EIF2AK4: variants seen among roughly 807,000 people sequenced by gnomAD.
EIF2AK4 encodes eukaryotic translation initiation factor 2 alpha kinase 4.
EIF2AK4 carries 139 observed loss-of-function variants against 211.1 expected under a neutral mutation model. That is an observed-to-expected ratio of 0.66 (90% CI 0.57 to 0.76). The LOEUF (loss-of-function observed/expected upper bound fraction) is 0.76. Among genes scored for constraint, EIF2AK4 ranks in the 30% least tolerant of loss-of-function variants. The probability of loss-of-function intolerance (pLI) is 0.00; values close to 1 mark genes in which losing one functional copy is unlikely to be tolerated. For synonymous variants in EIF2AK4, 710 were observed against 751.3 expected (o/e 0.94, Z 0.90); for missense variants, 1,664 against 2,043.8 (o/e 0.81, Z 3.58).
chr15:40,016,790 T>G, intron 28 of EIF2AK4, 118 bp downstream of exon 28: 1 of 1,326,070 alleles, frequency 7.5e-7, no homozygotes, highest in Non-Finnish European at 1.0e-6. Context: ...GAAAAACTGC[T>G]TTCTGTGTTT....
intron 31 of EIF2AK4, 108 bp downstream of exon 31, chr15:40,021,135 G>A (rs772536389): frequency 7.1e-5 from 91 of 1,285,080 alleles, no homozygotes; most frequent in Non-Finnish European, 8.8e-5. Flanking sequence ...TCTGTAATTC[G>A]AGTTGCCTCC....
intron 20 of EIF2AK4, among the ~76,000 whole-genome samples, chr15:39,999,423 T>A (rs1244236651): frequency 6.6e-6 from 1 of 152,158 alleles, no homozygotes; most frequent in Non-Finnish European, 1.5e-5. Context: ...ACTCTTGTCA[T>A]ATGGAAGTTT....
At chr15:39,947,980 A>G (rs1398282010) in intron 3 of EIF2AK4, among the ~76,000 whole-genome samples, 1 of 152,220 alleles carries the variant, frequency 6.6e-6, no homozygotes, top group Non-Finnish European at 1.5e-5. Context: ...CATGATAGAA[A>G]TTGCCTACTT....
Position 39,972,897 on chromosome 15 carries a change from C to G in EIF2AK4, c.1554-11C>G, listed in dbSNP as rs756218334. The G allele has an allele frequency of 2.5e-6, 4 of 1,609,700 alleles. No individual in the cohort carries two copies. The highest frequency in any genetic ancestry group is 3.4e-6 in the Non-Finnish European group (4 of 1,176,264). The stretch of plus-strand genomic sequence containing the variant: ...TTGTGATGCTAAGATTCTTCCTTCC[C>G]TCTCACCGAGATGTGTGTGCTTGGA... On this transcript the variant is annotated splice_polypyrimidine_tract_variant and intron_variant, in intron 9 of 38. Transcript: ENST00000263791.
chr15:40,001,887 G>A (rs1328006802), intron 21 of EIF2AK4, among the ~76,000 whole-genome samples: 1 of 152,148 alleles, frequency 6.6e-6, no homozygotes, highest in East Asian at 1.9e-4. Flanking sequence ...AGTTTCTGAA[G>A]TGTAGCCAGG....
chr15:39,965,770 T>G lies in EIF2AK4; in HGVS notation c.944T>G (p.Leu315Arg). The G allele has an allele frequency of 6.2e-7, 1 of 1,614,126 alleles. No homozygotes were observed. The highest frequency in any genetic ancestry group is 8.5e-7 in the Non-Finnish European group (1 of 1,179,990). ...GGFVLLYEWVLQWQKKMGPFL... is the reference protein window; with the variant it reads ...GGFVLLYEWVRQWQKKMGPFL... ...TTTGTCTTGTTGTATGAGTGGGTCC[T>G]TCAGTGGCAGAAAAAAATGGGTCCA... is the stretch of plus-strand genomic sequence containing the variant. The change falls in exon 8 of 39, where the codon CTT (leucine) becomes CGT (arginine). Residue 315 changes from leucine to arginine, a missense_variant. Physicochemically the swap from Leu to Arg is moderately radical, Grantham distance 102 (BLOSUM62 -2). This residue lies in a region of EIF2AK4 where 641 missense variants were observed against 729.6 expected (regional missense o/e 0.88). Transcript: ENST00000263791.
chr15:40,032,914 T>C, intron 37 of EIF2AK4, 113 bp downstream of exon 37: 1 of 820,768 alleles, frequency 1.2e-6, no homozygotes, highest in East Asian at 3.0e-5. Context: ...TTCTGGCAGC[T>C]GCAGGAATTT....
At chr15:39,945,888 T>TA (rs1477546945) in intron 3 of EIF2AK4, among the ~76,000 whole-genome samples, 14 of 152,198 alleles carry the variant, frequency 9.2e-5, no homozygotes, top group Admixed American at 9.2e-4. Flanking sequence ...AAATCCTGTA[T>TA]GATGGCACAT....
At chr15:40,024,451 C>G (rs2035438108) in intron 32 of EIF2AK4, among the ~76,000 whole-genome samples, 1 of 140,092 alleles carries the variant, frequency 7.1e-6, no homozygotes, top group Admixed American at 7.6e-5. Flanking sequence ...CTCTGTCACG[C>G]AGGCTGGAGT....
chr15:39,957,613 T>C (rs1176106459), intron 6 of EIF2AK4, among the ~76,000 whole-genome samples: 1 of 151,638 alleles, frequency 6.6e-6, no homozygotes, highest in Non-Finnish European at 1.5e-5. Flanking sequence ...CTGAAATTGT[T>C]ATTCACTTGT....
chr15:39,976,740 C>A lies in EIF2AK4; in HGVS notation c.2145C>A (p.Gly715=), dbSNP rs980602234. 7 of 1,600,870 alleles carry A rather than the reference C, an allele frequency of 4.4e-6. No homozygotes were observed. In the African/African-American group the frequency reaches 9.5e-5, roughly 22 times the overall value. Residue 715 remains glycine (G), a synonymous_variant, in exon 12 of 39, where the codon GGC becomes GGA. Transcript: ENST00000263791. ...LSSSVEWSTS[G]ERSASARFPA... The stretch of plus-strand genomic sequence containing the variant: ...GCTCGGTGGAGTGGAGCACTTCGGG[C>A]GAGCGCTCGGCCAGTGCCCGTTTCC...
chr15:40,032,730 T>C (rs1372167428), intron 36 of EIF2AK4, 27 bp from the exon 37 acceptor site: 1 of 1,608,898 alleles, frequency 6.2e-7, no homozygotes, highest in Middle Eastern at 1.7e-4. Context: ...CTGCTGAGAG[T>C]TGATGTACAT....
rs141056604 is a variant in EIF2AK4 at position 39,981,509 on chromosome 15, G to C, written c.2319+3362G>C. 3.9e-3 allele frequency among the ~76,000 whole-genome samples: 590 copies of C among 152,208 alleles called. 6 individuals carry two copies. Among genetic ancestry groups the C allele is most frequent in the African/African-American group, 0.014 (564 of 41,532 alleles). Reference sequence around the variant, plus strand: ...GGCAGCATCCATGGGCATCCTAATTGATGGGTAGAAACCTCCAAGAGATTA... The same window carrying C: ...GGCAGCATCCATGGGCATCCTAATTCATGGGTAGAAACCTCCAAGAGATTA... On this transcript the variant is annotated intron_variant, in intron 13 of 38. Transcript: ENST00000263791.
chr15:40,030,350 T>C lies in EIF2AK4; in HGVS notation c.4562-9T>C, dbSNP rs767017091. ...AAGGCCATAAATTCTGAAACTCTCT[T>C]GGTCTCAGGTTTGTTTGAAATCCAT... On this transcript the variant is annotated splice_polypyrimidine_tract_variant and intron_variant, in intron 34 of 38. Coordinates refer to ENST00000263791, the MANE Select transcript of EIF2AK4 (RefSeq NM_001013703.4). 3.1e-6 allele frequency: 5 copies of C among 1,613,312 alleles called. No homozygotes were observed. Among genetic ancestry groups the C allele is most frequent in the African/African-American group, 2.7e-5 (2 of 74,988 alleles).
At chr15:39,941,936 T>C (rs925336144) in intron 2 of EIF2AK4, among the ~76,000 whole-genome samples, 1 of 152,162 alleles carries the variant, frequency 6.6e-6, no homozygotes, top group Non-Finnish European at 1.5e-5. Flanking sequence ...TATGGGATGA[T>C]TGCTTTTAAC....
At chr15:39,971,640 C>G (rs561075361) in intron 9 of EIF2AK4, among the ~76,000 whole-genome samples, 65 of 151,938 alleles carry the variant, frequency 4.3e-4, no homozygotes, top group African/African-American at 1.5e-3. Flanking sequence ...TGCTTTGAGT[C>G]TAGGAGTTCG....
chr15:39,952,893 A>T (rs1271102005), intron 4 of EIF2AK4, among the ~76,000 whole-genome samples: 1 of 151,960 alleles, frequency 6.6e-6, no homozygotes, highest in Non-Finnish European at 1.5e-5. Flanking sequence ...TGTTGCCCAG[A>T]CTGGAGTACA....
In EIF2AK4 at chr15:39,976,985, C is replaced by CT. The variant is rs1182747638; in HGVS notation, c.2249+142dup. On this transcript the variant is annotated intron_variant, in intron 12 of 38. Coordinates refer to ENST00000263791, the MANE Select transcript of EIF2AK4 (RefSeq NM_001013703.4). The stretch of plus-strand genomic sequence containing the variant: ...TCCTTTTTTGAGATAGGGTCTTGCT[C>CT]TGTCACCCAGGCTGGAGGTCAGTGG... 2.7e-6 allele frequency: 3 copies of CT among 1,126,178 alleles called. No individual in the cohort carries two copies. In the African/African-American group the frequency reaches 5.0e-5, roughly 19 times the overall value. 69.8% of individuals were successfully genotyped at this position (1,126,178 alleles called of 1,614,324 possible).
intron 15 of EIF2AK4, among the ~76,000 whole-genome samples, chr15:39,989,740 A>G (rs867907929): frequency 2.6e-5 from 4 of 152,244 alleles, no homozygotes; most frequent in African/African-American, 9.6e-5. Context: ...CATTAGGAAA[A>G]TGAGAAAGCA....
Sources: allele counts gnomAD v4.1 joint callset (sites outside exome capture counted in the v4.1 genomes callset), GRCh38; gene constraint gnomAD v4.1.1; regional missense constraint gnomAD v4.1.1; transcripts MANE v1.5; gene names NCBI Gene and HGNC (gene_info 2026-07-23, HGNC 2026-07-21).